The following TNRC18 variants were observed in gnomAD, a reference collection of about 807,000 sequenced individuals.
TNRC18 encodes trinucleotide repeat-containing gene 18 protein.
In TNRC18, 69 loss-of-function variants were observed where a neutral mutation model predicts 226.7. The observed-to-expected ratio is 0.30, with a 90% confidence interval of 0.25 to 0.37. The LOEUF (loss-of-function observed/expected upper bound fraction) is 0.37, where lower values mean the gene tolerates loss of function less well. TNRC18 is among the 10% of genes least tolerant of loss of function. TNRC18 has a pLI of 1.00. For missense variants in TNRC18, 4,754 were observed against 4,256.6 expected (o/e 1.12, Z -3.25); for synonymous variants, 2,449 against 1,927.6 (o/e 1.27, Z -7.09).
intron 16 of TNRC18, among the ~76,000 whole-genome samples, chr7:5,356,470 G>A (rs1022824246): frequency 2.0e-5 from 3 of 152,234 alleles, no homozygotes; most frequent in African/African-American, 7.2e-5. Context: ...GTCCGCAACA[G>A]ACGGCATGCT....
chr7:5,324,946 G>T lies in TNRC18; in HGVS notation c.6300+150C>A. 1 of 850,452 alleles carries T rather than the reference G, an allele frequency of 1.2e-6. No individual in the cohort carries two copies. The highest frequency in any genetic ancestry group is 1.8e-6 in the Non-Finnish European group (1 of 568,056). 52.7% of individuals were successfully genotyped at this position (850,452 alleles called of 1,614,324 possible). On this transcript the variant is annotated intron_variant, in intron 20 of 29. Transcript: ENST00000430969. The surrounding 1 kb of genome is among the most constrained non-coding windows in gnomAD (Gnocchi z 4.8). ...TATCTCCTTATCCCTGGAGTGTGGG[G>T]ACGGCCACATCACCCTCGTCACCCG...
At chr7:5,387,392 G>A (rs1779871176) in intron 5 of TNRC18, among the ~76,000 whole-genome samples, 1 of 152,202 alleles carries the variant, frequency 6.6e-6, no homozygotes, top group African/African-American at 2.4e-5. Flanking sequence ...TCTGTTCTCA[G>A]GAAATGACTG....
intron 3 of TNRC18, among the ~76,000 whole-genome samples, chr7:5,393,921 T>C (rs1351759742): frequency 1.3e-5 from 2 of 152,184 alleles, no homozygotes; most frequent in African/African-American, 4.8e-5. Flanking sequence ...TTGCCCAGGC[T>C]GGTCTCGAAC....
intron 2 of TNRC18, among the ~76,000 whole-genome samples, chr7:5,395,631 C>G (rs1334790536): frequency 1.3e-5 from 2 of 152,232 alleles, no homozygotes; most frequent in Non-Finnish European, 1.5e-5. Context: ...TGCACATCAA[C>G]AAAATGGAGA....
intron 27 of TNRC18, among the ~76,000 whole-genome samples, chr7:5,310,577 C>T (rs1787072677): frequency 6.6e-6 from 1 of 151,996 alleles, no homozygotes. Context: ...CACTATTGCC[C>T]AGGTTGGAGT....
rs201028444 is a variant in TNRC18, at chr7:5,376,184, G to A, written c.2649C>T (p.Pro883=). The A allele has an allele frequency of 2.0e-4, 310 of 1,550,972 alleles. No homozygotes were observed. Among genetic ancestry groups the A allele is most frequent in the South Asian group, 4.9e-4 (41 of 83,024 alleles). Residue 883 remains proline (P), a synonymous_variant, in exon 9 of 30, where the codon CCC becomes CCT. Transcript: ENST00000430969. ...MERATVPPLW[P]ALYPPGRSPL... ...GGCTGCGGCCCGGCGGGTACAGGGC[G>A]GGCCAGAGGGGCGGTACGGTGGCCC...
intron 17 of TNRC18, among the ~76,000 whole-genome samples, chr7:5,350,126 G>A (rs534422024): frequency 3.3e-5 from 5 of 152,222 alleles, no homozygotes; most frequent in Non-Finnish European, 7.4e-5. Context: ...GGGAGATGGG[G>A]GAAAGGGAGG....
Position 5,359,468 on chromosome 7 carries a change from C to G in TNRC18, c.4763G>C (p.Gly1588Ala). The G allele has an allele frequency of 1.2e-6, 2 of 1,614,058 alleles. No individual in the cohort carries two copies. Among genetic ancestry groups the G allele is most frequent in the Non-Finnish European group, 1.7e-6 (2 of 1,179,892 alleles). The change falls in exon 15 of 30, where the codon GGA becomes GCA. Residue 1588 changes from glycine to alanine, a missense_variant. Coordinates refer to ENST00000430969, the MANE Select transcript of TNRC18 (RefSeq NM_001080495.3). ...GSEEEHDALI[G>A]MGKARGRNQT... ...GTTCCTCCCCCTGGCTTTCCCCATT[C>G]CGATGAGGGCATCATGTTCCTCCTC...
At chr7:5,329,682 C>CAAAAAAAAAA in intron 19 of TNRC18, among the ~76,000 whole-genome samples, 1 of 45,756 alleles carries the variant, frequency 2.2e-5, no homozygotes, top group Non-Finnish European at 3.6e-5. Flanking sequence ...GACTCCGTCT[C>CAAAAAAAAAA]AAAAAAAAAA....
rs1184924529 is a variant in TNRC18, at chr7:5,313,291, T to G, written c.7600A>C (p.Thr2534Pro). The G allele has an allele frequency of 3.9e-6, 6 of 1,548,512 alleles. No individual in the cohort carries two copies. Among genetic ancestry groups the G allele is most frequent in the South Asian group, 1.2e-5 (1 of 83,974 alleles). ...TTGGGGTTCCCAGAGTCCTCGAACG[T>G]GAGCCCCGGCCCGGGCTCCTGGGCG... ...DLAQEPGPGL[T>P]FEDSGNPKSP... The change falls in exon 27 of 30, where the codon ACG becomes CCG. Residue 2534 changes from threonine (T) to proline (P), a missense_variant. Coordinates refer to ENST00000430969, the MANE Select transcript of TNRC18 (RefSeq NM_001080495.3).
intron 18 of TNRC18, among the ~76,000 whole-genome samples, chr7:5,336,349 A>C (rs1054727596): frequency 1.3e-5 from 2 of 152,226 alleles, no homozygotes; most frequent in Non-Finnish European, 2.9e-5. Flanking sequence ...TGAAATCCTC[A>C]AAGAGGTGAA....
intron 21 of TNRC18, among the ~76,000 whole-genome samples, chr7:5,322,283 A>AATCATCATCATCATCATC (rs60369027): frequency 6.7e-6 from 1 of 149,390 alleles, no homozygotes; most frequent in East Asian, 2.0e-4. Flanking sequence ...CCGTCTCAAT[A>AATCATCATCATCATCATC]ATCATCATCA....
chr7:5,414,082 G>T (rs1782008182), intron 2 of TNRC18, among the ~76,000 whole-genome samples: 1 of 151,856 alleles, frequency 6.6e-6, no homozygotes, highest in South Asian at 2.1e-4. Context: ...AAGTAGCTGG[G>T]ATTACAGGTG....
chr7:5,347,656 C>G (rs1382496995), intron 17 of TNRC18, among the ~76,000 whole-genome samples: 1 of 151,912 alleles, frequency 6.6e-6, no homozygotes, highest in African/African-American at 2.4e-5. Context: ...CAGAGCGAGA[C>G]CCTGTCTCAA....
chr7:5,335,909 C>T (rs1015232236), intron 18 of TNRC18, among the ~76,000 whole-genome samples: 6 of 151,252 alleles, frequency 4.0e-5, no homozygotes, highest in South Asian at 2.1e-4. Context: ...AGATACAGTC[C>T]GCAATTACTA....
chr7:5,414,415 CTTTTG>C (rs1562641023), intron 2 of TNRC18, among the ~76,000 whole-genome samples: 1 of 151,010 alleles, frequency 6.6e-6, no homozygotes, highest in Non-Finnish European at 1.5e-5. Flanking sequence ...AGTATTCTTT[CTTTTG>C]TTTTTTTTTT....
intron 2 of TNRC18, among the ~76,000 whole-genome samples, chr7:5,411,006 G>C (rs2128218640): frequency 6.7e-6 from 1 of 150,302 alleles, no homozygotes; most frequent in East Asian, 2.0e-4. Flanking sequence ...AGGAGTTTGA[G>C]ACCAGCCTGG....
rs1395978594 is a variant in TNRC18 at position 5,394,246 on chromosome 7, A to C, written c.343+194T>G. 2.0e-5 allele frequency among the ~76,000 whole-genome samples: 3 copies of C among 152,114 alleles called. No individual in the cohort carries two copies. In the South Asian group the frequency reaches 6.2e-4, roughly 31 times the overall value. On this transcript the variant is annotated intron_variant, in intron 3 of 29. Transcript: ENST00000430969. This position sits in a 1 kb window ranked among gnomAD's most constrained non-coding sequence, Gnocchi z 4.5. ...TGGGGTGTCAGGCTGAAAGGAGAGG[A>C]AACAGCTCATACAAATGCCCTGTGA...
At chr7:5,371,406 G>C (rs925168786) in intron 10 of TNRC18, 42 bp from the exon 11 acceptor site, 1 of 1,474,924 alleles carries the variant, frequency 6.8e-7, no homozygotes, top group African/African-American at 1.4e-5. Context: ...CCTAGGATCT[G>C]ATATCCCATG....
Sources: gnomAD v4.1 joint callset for allele counts (sites outside exome capture counted in the v4.1 genomes callset) on GRCh38, gnomAD v4.1.1 for gene constraint, Gnocchi (gnomAD v3.1) non-coding constraint, MANE v1.5 for transcripts, NCBI Gene and HGNC (gene_info 2026-07-23, HGNC 2026-07-21) for gene names.